Variants in USP39 observed in about 807,000 individuals in gnomAD.
USP39 encodes the protein ubiquitin specific peptidase 39.
Under a neutral mutation model 66.4 loss-of-function variants are expected in USP39, and 38 were observed. The observed-to-expected ratio is 0.57, with a 90% CI of 0.44 to 0.75. The LOEUF is 0.75. Among genes scored for constraint, USP39 ranks in the 30% least tolerant of loss-of-function variants. The pLI is 0.00. For synonymous variants in USP39, 303 were observed against 274.6 expected (o/e 1.10, Z -1.02); for missense variants, 608 against 714.4 (o/e 0.85, Z 1.70).
upstream of USP39, chr2:85,608,298 C>T (rs1331713558): frequency 6.6e-6 from 1 of 152,142 alleles, no homozygotes; most frequent in African/African-American, 2.4e-5. Context: ...TGCAAATAGG[C>T]CTCAAAAATG....
In USP39 at chr2:85,645,009, T is replaced by C; in HGVS notation, c.1489T>C (p.Tyr497His). 6.2e-7 allele frequency: 1 copy of C among 1,614,174 alleles called. No individual in the cohort carries two copies. The highest frequency in any genetic ancestry group is 8.5e-7 in the Non-Finnish European group (1 of 1,180,016). ...EVQAVHKNTT[Y>H]DLIANIVHDG... ...ACAAGCAGTACACAAGAATACCACC[T>C]ATGACCTCATTGCCAACATCGTGCA... is the stretch of plus-strand genomic sequence containing the variant. The change falls in exon 11 of 13, where the codon TAT becomes CAT. Residue 497 changes from tyrosine (Y) to histidine (H), a missense_variant. Coordinates refer to ENST00000323701, the MANE Select transcript of USP39 (RefSeq NM_006590.4).
chr2:85,641,757 A>C (rs1280141275), intron 10 of USP39, among the ~76,000 whole-genome samples: 1 of 151,954 alleles, frequency 6.6e-6, no homozygotes, highest in African/African-American at 2.4e-5. Flanking sequence ...ACAAAAAATT[A>C]GCCAGATGTG....
chr2:85,634,867 G>A (rs1260183208), intron 6 of USP39, among the ~76,000 whole-genome samples: 1 of 152,218 alleles, frequency 6.6e-6, no homozygotes, highest in East Asian at 1.9e-4. Flanking sequence ...AGTGGGGCCT[G>A]TCAGCTTTTG....
At chr2:85,635,337 A>T (rs1573433124) in intron 6 of USP39, among the ~76,000 whole-genome samples, 1 of 152,170 alleles carries the variant, frequency 6.6e-6, no homozygotes, top group African/African-American at 2.4e-5. Context: ...AGGCGGGAGG[A>T]TCACTTGAGG....
intron 5 of USP39, among the ~76,000 whole-genome samples, chr2:85,630,434 G>C: frequency 6.6e-6 from 1 of 152,182 alleles, no homozygotes; most frequent in East Asian, 1.9e-4. Flanking sequence ...TGAATAAGTT[G>C]ATAGAGATTT....
intron 11 of USP39, 181 bp downstream of exon 11, chr2:85,645,264 C>A: frequency 1.9e-5 from 13 of 684,716 alleles, no homozygotes; most frequent in Non-Finnish European, 2.8e-5. Flanking sequence ...ACACATTGGA[C>A]TCACCTTGGG....
intron 5 of USP39, among the ~76,000 whole-genome samples, chr2:85,628,889 T>C (rs7575606): frequency 6.6e-6 from 1 of 152,178 alleles, no homozygotes; most frequent in Non-Finnish European, 1.5e-5. Flanking sequence ...TTGTCTTCCT[T>C]AGAGGTGCCT....
intron 2 of USP39, 45 bp from the exon 3 acceptor site, chr2:85,621,440 C>T (rs748841684): frequency 6.4e-7 from 1 of 1,571,220 alleles, no homozygotes; most frequent in Non-Finnish European, 8.7e-7. Flanking sequence ...TGCGTGCCTT[C>T]CTACATGTCC....
intron 9 of USP39, 80 bp downstream of exon 9, chr2:85,639,471 CA>C: frequency 9.3e-7 from 1 of 1,076,648 alleles, no homozygotes. Context: ...TTTTTTTTTT[CA>C]AGACAGAGTT....
intron 1 of USP39, among the ~76,000 whole-genome samples, chr2:85,606,291 G>A (rs6741980): frequency 0.016 from 2,451 of 152,288 alleles, 61 homozygotes; most frequent in African/African-American, 0.056. Context: ...CCACAGCACC[G>A]GACAGTGTTC....
upstream of USP39, among the ~76,000 whole-genome samples, chr2:85,615,263 G>C (rs1238837948): frequency 6.6e-6 from 1 of 152,016 alleles, no homozygotes; most frequent in African/African-American, 2.4e-5. Flanking sequence ...CAGGTGATCC[G>C]CCCGCCTTGG....
At chr2:85,639,452 TTC>T in intron 9 of USP39, 61 bp downstream of exon 9, 4 of 1,478,012 alleles carry the variant, frequency 2.7e-6, no homozygotes, top group Admixed American at 2.2e-5. Context: ...CTTTTTCATT[TTC>T]TTTTTTTTTT....
At chr2:85,639,084 G>A (rs1031945153) in intron 8 of USP39, 119 bp from the exon 9 acceptor site, 4 of 1,029,546 alleles carry the variant, frequency 3.9e-6, no homozygotes, top group East Asian at 2.7e-5. Flanking sequence ...CCAATCTCTC[G>A]GGCACTTCTC....
At chr2:85,645,193 G>A in intron 11 of USP39, 110 bp downstream of exon 11, 5 of 1,467,312 alleles carry the variant, frequency 3.4e-6, no homozygotes, top group Non-Finnish European at 4.6e-6. Flanking sequence ...TTGGCTTTGG[G>A]ACTCTGCAAG....
At chr2:85,611,153 A>G (rs1286900765), upstream of USP39, 1 of 677,526 alleles carries the variant, frequency 1.5e-6, no homozygotes, top group Non-Finnish European at 1.9e-6. Context: ...GGCTGCAGTA[A>G]GCCCAGATCG....
In USP39 at chr2:85,628,057, G is replaced by A. The variant is rs573398566; in HGVS notation, c.723+2366G>A. On this transcript the variant is annotated intron_variant, in intron 5 of 12. Transcript: ENST00000323701. ...TTTTTACATTCAGTGTCTGCTCTTG[G>A]TGTCATGCCTAGTCTCTGGAAAGGT... 9.9e-5 allele frequency among the ~76,000 whole-genome samples: 15 copies of A among 152,204 alleles called. No individual in the cohort carries two copies. In the South Asian group the frequency reaches 2.7e-3, roughly 27 times the overall value.
upstream of USP39, among the ~76,000 whole-genome samples, chr2:85,614,477 G>A (rs747635056): frequency 3.9e-5 from 6 of 152,120 alleles, no homozygotes; most frequent in Non-Finnish European, 7.3e-5. Flanking sequence ...TCTCACCAAT[G>A]CACTCCAACC....
At chr2:85,639,768 A>G (rs1676087629) in intron 9 of USP39, 1 of 166,954 alleles carries the variant, frequency 6.0e-6, no homozygotes, top group African/African-American at 2.4e-5. Context: ...TATATGTAAG[A>G]ATCACCACAT....
intron 6 of USP39, among the ~76,000 whole-genome samples, chr2:85,633,324 C>T (rs551826887): frequency 3.2e-4 from 48 of 152,160 alleles, no homozygotes; most frequent in African/African-American, 1.1e-3. Context: ...AGTTTCACCA[C>T]GTTGGTCAGG....
Sources: gnomAD v4.1 joint callset for allele counts (sites outside exome capture counted in the v4.1 genomes callset) on GRCh38, gnomAD v4.1.1 for gene constraint, MANE v1.5 for transcripts, NCBI Gene and HGNC (gene_info 2026-07-23, HGNC 2026-07-21) for gene names.